Variants in RPS6KC1 observed in about 807,000 individuals in gnomAD.
The protein encoded by RPS6KC1 is inactive ribosomal protein S6 kinase delta-1.
In RPS6KC1, 54 loss-of-function variants were observed where a neutral mutation model predicts 103.8. That is an observed-to-expected ratio of 0.52 (90% CI 0.42 to 0.65). RPS6KC1 has a LOEUF of 0.65. Among genes scored for constraint, RPS6KC1 ranks in the 30% least tolerant of loss-of-function variants. The pLI, the probability that RPS6KC1 is intolerant of heterozygous loss-of-function variation, is 0.00. For synonymous variants in RPS6KC1, 439 were observed against 438.7 expected (o/e 1.00, Z -0.01); for missense variants, 1,151 against 1,253.8 (o/e 0.92, Z 1.24).
chr1:213,851,441 C>T, the RPS6KC1 span, among the ~76,000 whole-genome samples: 1 of 152,074 alleles, frequency 6.6e-6, no homozygotes, highest in African/African-American at 2.4e-5. Context: ...CCCAGCAGTC[C>T]CTTTGCTGGC....
chr1:213,517,615 C>G, the RPS6KC1 span, among the ~76,000 whole-genome samples: 1 of 152,108 alleles, frequency 6.6e-6, no homozygotes, highest in Non-Finnish European at 1.5e-5. Context: ...AATTTCTATT[C>G]TTTTACATTT....
chr1:213,135,929 G>A (rs1233330898), intron 6 of RPS6KC1, among the ~76,000 whole-genome samples: 1 of 152,140 alleles, frequency 6.6e-6, no homozygotes, highest in East Asian at 1.9e-4. Context: ...TCTCTTTCAG[G>A]TTTTGTGTTA....
chr1:213,582,968 A>G, the RPS6KC1 span, among the ~76,000 whole-genome samples: 1 of 151,536 alleles, frequency 6.6e-6, no homozygotes, highest in Admixed American at 6.6e-5. Context: ...GCCACTGTAG[A>G]TTAGTTTTGC....
chr1:213,689,277 G>A, the RPS6KC1 span, among the ~76,000 whole-genome samples: 1 of 152,080 alleles, frequency 6.6e-6, no homozygotes, highest in African/African-American at 2.4e-5. Context: ...TATCCCAAAG[G>A]TCCCTTCTCT....
rs530843533 is a variant in RPS6KC1 at position 213,234,915 on chromosome 1, C to T, written c.1225+2660C>T. On this transcript the variant is annotated intron_variant, in intron 10 of 14. Transcript: ENST00000366960. ...GATGTTTGAGGGTAGAGTAATGGGA[C>T]CTGTAATGGATTTGAGATTAGGAAG... Among the ~76,000 whole-genome samples, 14 of 152,190 alleles carry T rather than the reference C, an allele frequency of 9.2e-5. No individual in the cohort carries two copies. The South Asian group carries it at 2.9e-3, about 32-fold the overall frequency.
chr1:213,141,306 G>A (rs1158740491), intron 6 of RPS6KC1, among the ~76,000 whole-genome samples: 1 of 152,022 alleles, frequency 6.6e-6, no homozygotes, highest in African/African-American at 2.4e-5. Context: ...ACTTATTATT[G>A]ATCTGTTCAG....
chr1:213,342,709 C>T, the RPS6KC1 span, among the ~76,000 whole-genome samples: 29 of 152,222 alleles, frequency 1.9e-4, no homozygotes, highest in East Asian at 7.7e-4. Flanking sequence ...AAAGTCTACA[C>T]GATCCCATTA....
intron 8 of RPS6KC1, among the ~76,000 whole-genome samples, chr1:213,224,737 G>T (rs1264064343): frequency 1.3e-5 from 2 of 152,098 alleles, no homozygotes; most frequent in Non-Finnish European, 2.9e-5. Flanking sequence ...CTGTTTGAGG[G>T]TTAAAGAAGC....
the RPS6KC1 span, among the ~76,000 whole-genome samples, chr1:213,321,000 G>C: frequency 6.6e-6 from 1 of 152,208 alleles, no homozygotes; most frequent in Admixed American, 6.5e-5. Flanking sequence ...CTTTGGACAA[G>C]GGTGAGGTGT....
chr1:213,479,223 G>C, the RPS6KC1 span, among the ~76,000 whole-genome samples: 2 of 152,008 alleles, frequency 1.3e-5, no homozygotes, highest in East Asian at 1.9e-4. Context: ...TTGTATGAGA[G>C]GGATTCTGTA....
chr1:213,400,371 A>G, the RPS6KC1 span, among the ~76,000 whole-genome samples: 1 of 152,172 alleles, frequency 6.6e-6, no homozygotes, highest in Admixed American at 6.5e-5. Context: ...GTAGTTATAT[A>G]TATTTATTGA....
intron 6 of RPS6KC1, among the ~76,000 whole-genome samples, chr1:213,154,466 C>T (rs2089636980): frequency 6.6e-6 from 1 of 152,218 alleles, no homozygotes; most frequent in African/African-American, 2.4e-5. Flanking sequence ...ACTCAAACCA[C>T]AAGGTGCAGT....
the RPS6KC1 span, among the ~76,000 whole-genome samples, chr1:213,517,660 A>G: frequency 3.9e-5 from 6 of 152,272 alleles, no homozygotes; most frequent in East Asian, 5.8e-4. Context: ...TATGTGGTCA[A>G]TTTTGGAATA....
At chr1:213,478,224 C>A in the RPS6KC1 span, among the ~76,000 whole-genome samples, 1 of 152,012 alleles carries the variant, frequency 6.6e-6, no homozygotes, top group African/African-American at 2.4e-5. Flanking sequence ...AGTAATATTC[C>A]ATTGTCCGAA....
intron 11 of RPS6KC1, 36 bp downstream of exon 11, chr1:213,242,333 G>T (rs201144845): frequency 1.6e-5 from 25 of 1,605,722 alleles, no homozygotes; most frequent in Non-Finnish European, 2.1e-5. Context: ...CTTTTTATTC[G>T]CTGTTGCTTC....
intron 7 of RPS6KC1, among the ~76,000 whole-genome samples, chr1:213,172,803 TC>T (rs1193134027): frequency 6.6e-6 from 1 of 152,208 alleles, no homozygotes; most frequent in Non-Finnish European, 1.5e-5. Flanking sequence ...CTGCCTCTCT[TC>T]CCTTGTCTTT....
chr1:213,650,247 C>A, the RPS6KC1 span, among the ~76,000 whole-genome samples: 1 of 152,170 alleles, frequency 6.6e-6, no homozygotes, highest in African/African-American at 2.4e-5. Context: ...AATGCATTCA[C>A]ACCTCAATAG....
chr1:213,303,161 G>C, the RPS6KC1 span, among the ~76,000 whole-genome samples: 5 of 152,190 alleles, frequency 3.3e-5, no homozygotes, highest in Non-Finnish European at 5.9e-5. Context: ...CTGACTGCTG[G>C]TCATTGCCTT....
At chr1:213,529,597 C>A in the RPS6KC1 span, among the ~76,000 whole-genome samples, 10 of 152,156 alleles carry the variant, frequency 6.6e-5, no homozygotes, top group Non-Finnish European at 1.2e-4. Flanking sequence ...CCTGGTATAT[C>A]TCTTGCAATG....
Sources: gnomAD v4.1 joint callset for allele counts (sites outside exome capture counted in the v4.1 genomes callset) on GRCh38, gnomAD v4.1.1 for gene constraint, MANE v1.5 for transcripts, NCBI Gene and HGNC (gene_info 2026-07-23, HGNC 2026-07-21) for gene names.